ACAN: variants seen among roughly 807,000 people sequenced by gnomAD.
ACAN encodes aggrecan core protein.
Under a neutral mutation model 169.1 loss-of-function variants are expected in ACAN, and 47 were observed. The ratio of observed to expected loss-of-function variants is 0.28; its 90% CI spans 0.22 to 0.35. The LOEUF (loss-of-function observed/expected upper bound fraction) is 0.35, where lower values mean the gene tolerates loss of function less well. Ranked by LOEUF, ACAN falls within the 10% of genes least tolerant of loss-of-function variation. The pLI is 1.00. For missense variants in ACAN, 2,716 were observed against 2,759.9 expected (o/e 0.98, Z 0.36); for synonymous variants, 1,115 against 1,112.2 (o/e 1.00, Z -0.05).
intron 1 of ACAN, among the ~76,000 whole-genome samples, chr15:88,824,000 G>T (rs1012898527): frequency 2.0e-5 from 3 of 152,070 alleles, no homozygotes; most frequent in African/African-American, 7.2e-5. Flanking sequence ...GTGAGATCAG[G>T]TGACACTCAA....
In ACAN at chr15:88,840,125, G is replaced by A. The variant is rs374984332; in HGVS notation, c.568G>A (p.Ala190Thr). 1.4e-5 allele frequency: 23 copies of A among 1,605,888 alleles called. No individual in the cohort carries two copies. The highest frequency in any genetic ancestry group is 3.3e-4 in the Middle Eastern group (2 of 6,074). ...AIIATPEQLQ[A>T]AYEDGFHQCD... ...CATTGCCACGCCTGAGCAGCTGCAG[G>A]CCGCCTACGAAGACGGCTTCCACCA... The change falls in exon 4 of 19, where the codon GCC (alanine) becomes ACC (threonine). Residue 190 changes from alanine to threonine, a missense_variant. Ala to Thr is a moderately conservative substitution (Grantham distance 58). Coordinates refer to ENST00000560601, the MANE Select transcript of ACAN (RefSeq NM_001369268.1).
In ACAN at chr15:88,851,907, G is replaced by A. The variant is rs747501102; in HGVS notation, c.2140G>A (p.Val714Ile). The change falls in exon 11 of 19, where the codon GTA (valine) becomes ATA (isoleucine). Residue 714 changes from valine (V) to isoleucine (I), a missense_variant. By Grantham distance (29) the Val-to-Ile change is conservative. Transcript: ENST00000560601. This position sits in a 1 kb window ranked among gnomAD's most constrained non-coding sequence, Gnocchi z 4.3. ...GGTTCCTGGTGTGGCTGCTGTCCCC[G>A]TAGAAGAGGAGACAACTGCTGTACC... is the stretch of plus-strand genomic sequence containing the variant. ...QVVPGVAAVP[V>I]EEETTAVPSG... 6.2e-6 allele frequency: 10 copies of A among 1,612,308 alleles called. No homozygotes were observed. The highest frequency in any genetic ancestry group is 2.2e-5 in the South Asian group (2 of 90,574).
chr15:88,872,186 AC>A lies in ACAN; in HGVS notation c.7302+103del. 1 of 1,026,792 alleles carries A rather than the reference AC, an allele frequency of 9.7e-7. No homozygotes were observed. Among genetic ancestry groups the A allele is most frequent in the Non-Finnish European group, 1.5e-6 (1 of 665,958 alleles). 63.6% of individuals were successfully genotyped at this position (1,026,792 alleles called of 1,614,324 possible). On this transcript the variant is annotated intron_variant, in intron 16 of 18. Transcript: ENST00000560601. This position sits in a 1 kb window ranked among gnomAD's most constrained non-coding sequence, Gnocchi z 5.4. ...TCAAACCCCATGCAGACAGCCGCTTACCAGCTGCTGGACCGGGAACCCTTGA... is the reference window on the plus strand; with the variant it reads ...TCAAACCCCATGCAGACAGCCGCTTACAGCTGCTGGACCGGGAACCCTTGA...
intron 13 of ACAN, among the ~76,000 whole-genome samples, chr15:88,865,803 G>T (rs758671718): frequency 3.9e-5 from 6 of 152,180 alleles, no homozygotes; most frequent in Non-Finnish European, 8.8e-5. Context: ...GGGCCAGAAC[G>T]GCCCTTCCAG....
chr15:88,856,926 G>T lies in ACAN; in HGVS notation c.4341G>T (p.Glu1447Asp), dbSNP rs201505307. The change falls in exon 12 of 19, where the codon GAG (glutamate) becomes GAT (aspartate). Residue 1447 changes from glutamate (E) to aspartate (D), a missense_variant. Glu to Asp is a conservative substitution (Grantham distance 45, BLOSUM62 2). Coordinates refer to ENST00000560601, the MANE Select transcript of ACAN (RefSeq NM_001369268.1). ...AGACTACTGCCCCTGGAGTAGAGGA[G>T]ATCAGCGGGCTTCCTTCTGGAGAAG... ...VLETTAPGVE[E>D]ISGLPSGEVL... 40 of 1,568,372 alleles carry T rather than the reference G, an allele frequency of 2.6e-5. No individual in the cohort carries two copies. The highest frequency in any genetic ancestry group is 3.4e-5 in the Non-Finnish European group (39 of 1,155,630).
chr15:88,805,666 G>A (rs1895660590), intron 1 of ACAN, among the ~76,000 whole-genome samples: 1 of 152,240 alleles, frequency 6.6e-6, no homozygotes, highest in Admixed American at 6.5e-5. Flanking sequence ...AAAGGGCTTA[G>A]CGTAGTGCCT....
intron 13 of ACAN, among the ~76,000 whole-genome samples, chr15:88,865,497 G>A (rs776711505): frequency 6.6e-6 from 1 of 152,188 alleles, no homozygotes; most frequent in Non-Finnish European, 1.5e-5. Flanking sequence ...TTTCTCACCT[G>A]TAAATGGCAT....
intron 11 of ACAN, 37 bp downstream of exon 11, chr15:88,852,070 C>A: frequency 6.4e-7 from 1 of 1,557,956 alleles, no homozygotes; most frequent in Non-Finnish European, 8.7e-7. Flanking sequence ...CACCCTGAAG[C>A]TGCATACCCC....
intron 11 of ACAN, among the ~76,000 whole-genome samples, chr15:88,853,378 C>A (rs58981127): frequency 0.021 from 3,227 of 152,282 alleles, 112 homozygotes; most frequent in African/African-American, 0.071. Context: ...TGGCTTACAC[C>A]TGTAATCCCA....
chr15:88,847,203 G>T lies in ACAN; in HGVS notation c.1430-40G>T, dbSNP rs12911138. ...CATGGAGCCTTGGAAGCTGCACACC[G>T]TGGGTCCCTGAACCTGACCGCTCCC... is the stretch of plus-strand genomic sequence containing the variant. On this transcript the variant is annotated intron_variant, in intron 7 of 18. Coordinates refer to ENST00000560601, the MANE Select transcript of ACAN (RefSeq NM_001369268.1). 5.4e-3 allele frequency: 8,182 copies of T among 1,505,836 alleles called. 365 individuals are homozygous for T. In the African/African-American group the frequency reaches 0.1, roughly 18 times the overall value. The allele number at this position is 1,505,836 out of a possible 1,614,324, so 93.3% of individuals were successfully genotyped here.
chr15:88,843,827 A>G lies in ACAN; in HGVS notation c.1051+179A>G, dbSNP rs1007073703. Among the ~76,000 whole-genome samples, 5 of 152,222 alleles carry G rather than the reference A, an allele frequency of 3.3e-5. No individual in the cohort carries two copies. Among genetic ancestry groups the G allele is most frequent in the Non-Finnish European group, 5.9e-5 (4 of 68,036 alleles). On this transcript the variant is annotated intron_variant, in intron 6 of 18. Transcript: ENST00000560601. The surrounding 1 kb of genome is among the most constrained non-coding windows in gnomAD (Gnocchi z 4.0). The stretch of plus-strand genomic sequence containing the variant: ...ACTGGTTCCTAGGAAGCCCTAAGGT[A>G]GAGACTCTTGAGACTGCAGCGTATC...
intron 1 of ACAN, among the ~76,000 whole-genome samples, chr15:88,806,915 T>C (rs1895697330): frequency 6.6e-6 from 1 of 152,254 alleles, no homozygotes; most frequent in Admixed American, 6.5e-5. Flanking sequence ...AGGTAAGTAC[T>C]GTTTCTGGAA....
chr15:88,835,429 C>A lies in ACAN; in HGVS notation c.-7-771C>A, dbSNP rs148375942. Among the ~76,000 whole-genome samples the A allele has an allele frequency of 3.3e-3, 507 of 151,678 alleles. 3 individuals carry two copies. Among genetic ancestry groups the A allele is most frequent in the African/African-American group, 0.012 (480 of 41,358 alleles). ...CATACACACACACACACACGAGAGA[C>A]AGAGAGAGAGAGAATTATTATAAGG... On this transcript the variant is annotated intron_variant, in intron 1 of 18. Coordinates refer to ENST00000560601, the MANE Select transcript of ACAN (RefSeq NM_001369268.1).
intron 1 of ACAN, among the ~76,000 whole-genome samples, chr15:88,804,625 G>C (rs905108784): frequency 3.9e-5 from 6 of 152,178 alleles, no homozygotes; most frequent in Non-Finnish European, 7.3e-5. Context: ...TCCAACCCTG[G>C]GGCTGGGTTG....
intron 1 of ACAN, among the ~76,000 whole-genome samples, chr15:88,826,128 T>G (rs1379962885): frequency 6.6e-6 from 1 of 152,162 alleles, no homozygotes; most frequent in African/African-American, 2.4e-5. Context: ...TAGAAAAGGT[T>G]AGAGACTCAG....
intron 1 of ACAN, among the ~76,000 whole-genome samples, chr15:88,812,452 CA>C (rs1895844268): frequency 1.3e-5 from 2 of 152,202 alleles, no homozygotes; most frequent in Admixed American, 1.3e-4. Context: ...CACTTAAAAT[CA>C]AGCCCAATCC....
intron 1 of ACAN, among the ~76,000 whole-genome samples, chr15:88,818,694 G>T (rs1223944539): frequency 1.3e-5 from 2 of 152,156 alleles, no homozygotes; most frequent in Admixed American, 6.5e-5. Flanking sequence ...TAACATGGGG[G>T]TCTCCAATAT....
chr15:88,833,340 C>T (rs1405070919), intron 1 of ACAN, among the ~76,000 whole-genome samples: 1 of 152,176 alleles, frequency 6.6e-6, no homozygotes, highest in Non-Finnish European at 1.5e-5. Flanking sequence ...TGACTCTCAC[C>T]CGGCCTTCAC....
In ACAN at chr15:88,872,230, T is replaced by C. The variant is rs1472855295; in HGVS notation, c.7302+145T>C. The C allele has an allele frequency of 2.9e-6, 2 of 685,814 alleles. No homozygotes were observed. Among genetic ancestry groups the C allele is most frequent in the South Asian group, 1.8e-5 (1 of 56,570 alleles). 42.5% of individuals were successfully genotyped at this position (685,814 alleles called of 1,614,324 possible). ...ACCCTTGAGGGCAGGGATTATCTCC[T>C]TCATCTCTGCCTCTGGAACCCAGCC... On this transcript the variant is annotated intron_variant, in intron 16 of 18. Coordinates refer to ENST00000560601, the MANE Select transcript of ACAN (RefSeq NM_001369268.1). The surrounding 1 kb of genome is among the most constrained non-coding windows in gnomAD (Gnocchi z 5.4).
Sources: gnomAD v4.1 joint callset for allele counts (sites outside exome capture counted in the v4.1 genomes callset) on GRCh38, gnomAD v4.1.1 for gene constraint, Gnocchi (gnomAD v3.1) non-coding constraint, MANE v1.5 for transcripts, NCBI Gene and HGNC (gene_info 2026-07-23, HGNC 2026-07-21) for gene names.